Variants in KCNQ3 observed in about 807,000 individuals in gnomAD.
KCNQ3 encodes the protein potassium voltage-gated channel subfamily KQT member 3.
KCNQ3 carries 30 observed loss-of-function variants against 92.5 expected under a neutral mutation model. That is an observed-to-expected ratio of 0.32 (90% CI 0.24 to 0.44). The LOEUF (loss-of-function observed/expected upper bound fraction) is 0.44, where lower values mean the gene tolerates loss of function less well. Ranked by LOEUF, KCNQ3 falls within the 20% of genes least tolerant of loss-of-function variation. The pLI, the probability that KCNQ3 is intolerant of heterozygous loss-of-function variation, is 1.00. For synonymous variants in KCNQ3, 450 were observed against 468.8 expected, an observed-to-expected ratio of 0.96 and a Z score of 0.52; for missense variants, 913 against 1,140.3, an observed-to-expected ratio of 0.80 and a Z score of 2.87.
intron 1 of KCNQ3, among the ~76,000 whole-genome samples, chr8:132,460,526 CATTGACCCACACCCCA>C (rs1822038340): frequency 6.6e-6 from 1 of 152,136 alleles, no homozygotes; most frequent in Admixed American, 6.5e-5. Context: ...GTATGAGAAT[CATTGACCCACACCCCA>C]TGGGAAACAA....
chr8:132,184,886 T>C (rs55646550), intron 2 of KCNQ3, among the ~76,000 whole-genome samples: 45,856 of 151,926 alleles, frequency 0.3, 8,071 homozygotes, highest in Middle Eastern at 0.43. Context: ...AGGCACAGAG[T>C]AGTTAAACAA....
chr8:132,321,511 C>T (rs1052261512), intron 1 of KCNQ3: 2 of 152,730 alleles, frequency 1.3e-5, no homozygotes, highest in Non-Finnish European at 2.9e-5. Context: ...CATGGCCCTC[C>T]TGCTTCTGTT....
chr8:132,371,216 A>T (rs1819463389), intron 1 of KCNQ3, among the ~76,000 whole-genome samples: 1 of 152,034 alleles, frequency 6.6e-6, no homozygotes, highest in South Asian at 2.1e-4. Flanking sequence ...AGGTTTTCTT[A>T]TCTCCCTCAG....
At chr8:132,262,655 T>C (rs190228850) in intron 1 of KCNQ3, among the ~76,000 whole-genome samples, 1 of 139,840 alleles carries the variant, frequency 7.2e-6, no homozygotes, top group East Asian at 2.3e-4. Context: ...TTTTTTACCA[T>C]GATATACTCT....
At chr8:132,232,476 G>C (rs954583215) in intron 1 of KCNQ3, among the ~76,000 whole-genome samples, 1 of 152,204 alleles carries the variant, frequency 6.6e-6, no homozygotes, top group African/African-American at 2.4e-5. Context: ...TATGCTCCTA[G>C]CTCTGTGCTA....
chr8:132,217,637 G>A (rs1814080599), intron 1 of KCNQ3, among the ~76,000 whole-genome samples: 1 of 150,892 alleles, frequency 6.6e-6, no homozygotes, highest in Non-Finnish European at 1.5e-5. Context: ...TGTGAACCTG[G>A]GAGGTGGAGC....
chr8:132,383,956 TTC>T (rs1189968981), intron 1 of KCNQ3, among the ~76,000 whole-genome samples: 1 of 152,196 alleles, frequency 6.6e-6, no homozygotes, highest in Non-Finnish European at 1.5e-5. Flanking sequence ...CATCCAGAGT[TTC>T]TGAGTTAAGT....
chr8:132,137,368 C>T (rs1245239722), intron 12 of KCNQ3, among the ~76,000 whole-genome samples: 1 of 152,152 alleles, frequency 6.6e-6, no homozygotes, highest in Non-Finnish European at 1.5e-5. Context: ...GGAAAAATGG[C>T]ACTCTAATGC....
At chr8:132,186,214 C>T (rs763443652) in intron 1 of KCNQ3, 33 bp from the exon 2 acceptor site, 8 of 1,514,682 alleles carry the variant, frequency 5.3e-6, no homozygotes, top group Non-Finnish European at 7.3e-6. Context: ...ACTAAGGAAC[C>T]TTTGAGTCAT....
intron 1 of KCNQ3, among the ~76,000 whole-genome samples, chr8:132,305,355 C>G (rs1160139450): frequency 6.6e-6 from 1 of 152,202 alleles, no homozygotes; most frequent in African/African-American, 2.4e-5. Flanking sequence ...TAGAAAATTG[C>G]TTCATTCATA....
chr8:132,390,982 G>A, intron 1 of KCNQ3, among the ~76,000 whole-genome samples: 1 of 152,164 alleles, frequency 6.6e-6, no homozygotes, highest in Non-Finnish European at 1.5e-5. Flanking sequence ...GCTCTGGAAA[G>A]CCTGTCTCCT....
intron 1 of KCNQ3, among the ~76,000 whole-genome samples, chr8:132,390,737 G>T (rs1820028636): frequency 6.6e-6 from 1 of 152,150 alleles, no homozygotes; most frequent in South Asian, 2.1e-4. Context: ...GAGGTTCTAA[G>T]AATTGCAAGT....
At chr8:132,162,826 C>T (rs538291179) in intron 9 of KCNQ3, among the ~76,000 whole-genome samples, 4 of 151,732 alleles carry the variant, frequency 2.6e-5, no homozygotes, top group Middle Eastern at 3.4e-3. Context: ...ACCTCCTCTG[C>T]CCAAATTCTG....
chr8:132,204,123 T>G (rs1813570231), intron 1 of KCNQ3, among the ~76,000 whole-genome samples: 1 of 152,190 alleles, frequency 6.6e-6, no homozygotes, highest in Non-Finnish European at 1.5e-5. Context: ...GTGGGAAAAA[T>G]GTGCATCTTA....
At chr8:132,304,406 T>A (rs1191814120) in intron 1 of KCNQ3, among the ~76,000 whole-genome samples, 1 of 152,190 alleles carries the variant, frequency 6.6e-6, no homozygotes, top group African/African-American at 2.4e-5. Context: ...GCTCCACCAA[T>A]AATAACCATT....
At chr8:132,373,947 G>A (rs976117605) in intron 1 of KCNQ3, among the ~76,000 whole-genome samples, 2 of 152,054 alleles carry the variant, frequency 1.3e-5, no homozygotes, top group African/African-American at 2.4e-5. Context: ...CACCCTCCCC[G>A]AGGTGGGTAC....
intron 1 of KCNQ3, among the ~76,000 whole-genome samples, chr8:132,345,539 C>T (rs1818662063): frequency 6.6e-6 from 1 of 152,198 alleles, no homozygotes; most frequent in African/African-American, 2.4e-5. Flanking sequence ...TTGTAATAAA[C>T]AGTATGAAAG....
At chr8:132,288,878 C>T (rs1188542948) in intron 1 of KCNQ3, among the ~76,000 whole-genome samples, 1 of 152,304 alleles carries the variant, frequency 6.6e-6, no homozygotes, top group Admixed American at 6.5e-5. Flanking sequence ...GGTCTGAATA[C>T]TCAAGAGCCA....
intron 1 of KCNQ3, among the ~76,000 whole-genome samples, chr8:132,255,314 C>T (rs1393517577): frequency 6.6e-6 from 1 of 152,188 alleles, no homozygotes; most frequent in Non-Finnish European, 1.5e-5. Flanking sequence ...TGACTCAGAA[C>T]TTTCCCAAAG....
Sources: allele counts gnomAD v4.1 joint callset (sites outside exome capture counted in the v4.1 genomes callset), GRCh38; gene constraint gnomAD v4.1.1; transcripts MANE v1.5; gene names NCBI Gene and HGNC (gene_info 2026-07-23, HGNC 2026-07-21).